Variants in RAVER2 observed in about 807,000 individuals in gnomAD.
RAVER2 encodes ribonucleoprotein PTB-binding 2.
A neutral mutation model predicts 78.1 loss-of-function variants in RAVER2; 46 were observed. That is an observed-to-expected ratio of 0.59 (90% CI 0.46 to 0.75). The LOEUF (loss-of-function observed/expected upper bound fraction) is 0.75, where lower values mean the gene tolerates loss of function less well. Ranked by LOEUF, RAVER2 falls within the 30% of genes least tolerant of loss-of-function variation. The pLI is 0.00. For missense variants in RAVER2, 793 were observed against 837.5 expected (o/e 0.95, Z 0.66); for synonymous variants, 311 against 313.3 (o/e 0.99, Z 0.08).
At chr1:64,779,155 T>C (rs1652557209) in intron 3 of RAVER2, among the ~76,000 whole-genome samples, 1 of 151,916 alleles carries the variant, frequency 6.6e-6, no homozygotes, top group African/African-American at 2.4e-5. Context: ...ACATCCACTC[T>C]CGTAGCATTT....
chr1:64,807,517 T>C, intron 9 of RAVER2, 43 bp downstream of exon 9: 59 of 1,494,728 alleles, frequency 3.9e-5, no homozygotes, highest in Non-Finnish European at 5.2e-5. Flanking sequence ...TATACATGTA[T>C]ATGTATATAT....
intron 1 of RAVER2, among the ~76,000 whole-genome samples, chr1:64,755,537 A>AC (rs1433779287): frequency 6.6e-6 from 1 of 151,500 alleles, no homozygotes; most frequent in Non-Finnish European, 1.5e-5. Flanking sequence ...ACCGTACCCC[A>AC]CCCTATCTGC....
chr1:64,785,122 T>C (rs1652742302), intron 4 of RAVER2, among the ~76,000 whole-genome samples: 1 of 152,236 alleles, frequency 6.6e-6, no homozygotes, highest in Non-Finnish European at 1.5e-5. Context: ...CAGATAGTAG[T>C]GACAGTGAGA....
chr1:64,785,487 A>G (rs1652754530), intron 4 of RAVER2, among the ~76,000 whole-genome samples: 2 of 150,822 alleles, frequency 1.3e-5, no homozygotes, highest in South Asian at 4.2e-4. Flanking sequence ...CTCGTGCCTC[A>G]GCCTCCTGAG....
At chr1:64,755,099 G>A (rs532053171) in intron 1 of RAVER2, among the ~76,000 whole-genome samples, 2 of 152,242 alleles carry the variant, frequency 1.3e-5, no homozygotes, top group South Asian at 2.1e-4. Flanking sequence ...AAGTTACAAT[G>A]TAATATTTCC....
chr1:64,824,787 C>T (rs992975193), intron 11 of RAVER2, among the ~76,000 whole-genome samples: 3 of 151,610 alleles, frequency 2.0e-5, no homozygotes, highest in Admixed American at 1.3e-4. Flanking sequence ...AAAAATTAGC[C>T]GGGTGTGGTG....
At chr1:64,772,865 G>T (rs144793066) in intron 2 of RAVER2, among the ~76,000 whole-genome samples, 1 of 152,302 alleles carries the variant, frequency 6.6e-6, no homozygotes, top group Non-Finnish European at 1.5e-5. Context: ...AGCAGGCATT[G>T]TAGAGCATGA....
intron 8 of RAVER2, among the ~76,000 whole-genome samples, 172 bp from the exon 9 acceptor site, chr1:64,807,034 T>G (rs1352540044): frequency 6.6e-6 from 1 of 152,210 alleles, no homozygotes; most frequent in Non-Finnish European, 1.5e-5. Context: ...GTTTTTGTTT[T>G]TTTCATAAAG....
intron 1 of RAVER2, among the ~76,000 whole-genome samples, chr1:64,748,898 A>G (rs1366309367): frequency 1.3e-5 from 2 of 152,116 alleles, no homozygotes; most frequent in Non-Finnish European, 2.9e-5. Flanking sequence ...AGTGCGGTGG[A>G]ACGATCACTG....
intron 4 of RAVER2, among the ~76,000 whole-genome samples, chr1:64,783,346 C>T (rs948259924): frequency 6.6e-6 from 1 of 152,180 alleles, no homozygotes; most frequent in Non-Finnish European, 1.5e-5. Context: ...ACACTCCCAC[C>T]AACAGTGTAA....
At chr1:64,829,000 C>T (rs1654062479) in intron 11 of RAVER2, among the ~76,000 whole-genome samples, 3 of 152,258 alleles carry the variant, frequency 2.0e-5, no homozygotes, top group Admixed American at 2.0e-4. Context: ...ATGAGTGACA[C>T]CCACTTTCAT....
exon 9 of RAVER2, chr1:64,807,369 G>T (rs1366695864): frequency 3.1e-6 from 5 of 1,614,120 alleles, no homozygotes; most frequent in East Asian, 2.2e-5. Flanking sequence ...TCTCAGGGTC[G>T]CAGCCTTATC....
intron 1 of RAVER2, among the ~76,000 whole-genome samples, chr1:64,747,211 T>C (rs1450662543): frequency 6.6e-6 from 1 of 152,238 alleles, no homozygotes; most frequent in Non-Finnish European, 1.5e-5. Flanking sequence ...AATATTTTCA[T>C]ATGTTCTGCA....
intron 5 of RAVER2, among the ~76,000 whole-genome samples, chr1:64,799,178 C>A (rs529114810): frequency 6.6e-6 from 1 of 152,172 alleles, no homozygotes; most frequent in Non-Finnish European, 1.5e-5. Flanking sequence ...TGAGGGAGAA[C>A]ATGCAGTATT....
intron 5 of RAVER2, among the ~76,000 whole-genome samples, chr1:64,798,418 T>G (rs1235487365): frequency 6.8e-6 from 1 of 147,730 alleles, no homozygotes; most frequent in Non-Finnish European, 1.5e-5. Flanking sequence ...GCATGATTTA[T>G]AGTCCTTTGG....
exon 12 of RAVER2, chr1:64,830,879 T>A (rs528156427): frequency 6.2e-7 from 1 of 1,612,776 alleles, no homozygotes; most frequent in African/African-American, 1.3e-5. Context: ...TCATCATATC[T>A]CATCTCTGCC....
At chr1:64,752,025 G>T (rs548614213) in intron 1 of RAVER2, among the ~76,000 whole-genome samples, 1 of 152,164 alleles carries the variant, frequency 6.6e-6, no homozygotes, top group Non-Finnish European at 1.5e-5. Context: ...AGAACATTTG[G>T]CTATACAGTA....
At chr1:64,799,661 G>A (rs1456881916) in intron 5 of RAVER2, among the ~76,000 whole-genome samples, 5 of 151,958 alleles carry the variant, frequency 3.3e-5, no homozygotes, top group African/African-American at 9.7e-5. Flanking sequence ...GGCTGATCTC[G>A]AGCTCCTGAC....
chr1:64,794,299 G>C (rs1211482259), intron 5 of RAVER2, among the ~76,000 whole-genome samples: 2 of 151,538 alleles, frequency 1.3e-5, no homozygotes, highest in Admixed American at 6.6e-5. Context: ...TCGGGAGGCT[G>C]AGGCAGGAGA....
Sources: allele counts gnomAD v4.1 joint callset (sites outside exome capture counted in the v4.1 genomes callset), GRCh38; gene constraint gnomAD v4.1.1; transcripts MANE v1.5; gene names NCBI Gene and HGNC (gene_info 2026-07-23, HGNC 2026-07-21).